The following RAP1GAP variants were observed in gnomAD, a reference collection of about 807,000 sequenced individuals.
RAP1GAP encodes the protein rap1 GTPase-activating protein 1.
A neutral mutation model predicts 87.2 loss-of-function variants in RAP1GAP; 35 were observed. That is an observed-to-expected ratio of 0.40 (90% CI 0.31 to 0.53). The LOEUF (loss-of-function observed/expected upper bound fraction) is 0.53, where lower values mean the gene tolerates loss of function less well. Among genes scored for constraint, RAP1GAP ranks in the 20% least tolerant of loss-of-function variants. RAP1GAP has a pLI of 0.48. For missense variants in RAP1GAP, 734 were observed against 898.9 expected (o/e 0.82, Z 2.35); for synonymous variants, 375 against 363.9 (o/e 1.03, Z -0.35).
intron 1 of RAP1GAP, among the ~76,000 whole-genome samples, chr1:21,650,976 C>T (rs1015230748): frequency 6.6e-6 from 1 of 152,218 alleles, no homozygotes; most frequent in African/African-American, 2.4e-5. Flanking sequence ...TCCCATGGGT[C>T]CCTATGACCA....
chr1:21,634,179 T>C lies in RAP1GAP; in HGVS notation c.-112-7782A>G, dbSNP rs1396157699. Among the ~76,000 whole-genome samples the C allele has an allele frequency of 5.9e-5, 9 of 151,822 alleles. No homozygotes were observed. The highest frequency in any genetic ancestry group is 1.0e-4 in the Non-Finnish European group (7 of 67,926). ...CAGGGAAGGTGGCCGGGGCAGCCAG[T>C]TGAGCAGGTTTCCAAAGCTAGGTCT... On this transcript the variant is annotated intron_variant, in intron 2 of 24. Coordinates refer to ENST00000374765, the MANE Select transcript of RAP1GAP (RefSeq NM_002885.4). This position sits in a 1 kb window ranked among gnomAD's most constrained non-coding sequence, Gnocchi z 4.1.
chr1:21,597,732 C>T lies in RAP1GAP; in HGVS notation c.1984-4G>A, dbSNP rs747199459. ...GGGGGTGGCCCGGCTAACAGCCCTG[C>T]AGACAGACAGTGGTGGTGAGGCAGG... is the stretch of plus-strand genomic sequence containing the variant. On this transcript the variant is annotated splice_region_variant and splice_polypyrimidine_tract_variant and intron_variant, in intron 23 of 24. Coordinates refer to ENST00000374765, the MANE Select transcript of RAP1GAP (RefSeq NM_002885.4). The T allele has an allele frequency of 2.5e-6, 4 of 1,613,458 alleles. No homozygotes were observed. The highest frequency in any genetic ancestry group is 3.4e-6 in the Non-Finnish European group (4 of 1,179,676).
Position 21,603,770 on chromosome 1 carries a change from T to G in RAP1GAP, c.1429-857A>C. ...AACGTCCCCAATATGGCCTCCGTCC[T>G]GAGAGCGAGCAGAGAACAGCGCGTG... is the stretch of plus-strand genomic sequence containing the variant. On this transcript the variant is annotated intron_variant, in intron 18 of 24. Coordinates refer to ENST00000374765, the MANE Select transcript of RAP1GAP (RefSeq NM_002885.4). This position sits in a 1 kb window ranked among gnomAD's most constrained non-coding sequence, Gnocchi z 6.0. The G allele has an allele frequency of 6.6e-7, 1 of 1,524,144 alleles. No individual in the cohort carries two copies. Among genetic ancestry groups the G allele is most frequent in the Non-Finnish European group, 9.1e-7 (1 of 1,099,586 alleles). The allele number at this position is 1,524,144 out of a possible 1,614,324, so 94.4% of individuals were successfully genotyped here.
At chr1:21,597,574 A>G in intron 24 of RAP1GAP, 112 bp downstream of exon 24, 1 of 1,179,298 alleles carries the variant, frequency 8.5e-7, no homozygotes. Flanking sequence ...TCAAACCCAG[A>G]TACATAGCTC....
chr1:21,651,762 G>A (rs769106614), intron 1 of RAP1GAP: 456 of 1,428,886 alleles, frequency 3.2e-4, no homozygotes, highest in Non-Finnish European at 4.0e-4. Flanking sequence ...CCCGCCCCGC[G>A]CCGCGCCACG....
intron 22 of RAP1GAP, 79 bp from the exon 23 acceptor site, chr1:21,598,143 G>A (rs1297129839): frequency 4.2e-6 from 4 of 947,096 alleles, no homozygotes; most frequent in East Asian, 2.6e-5. Context: ...GTGGGCGGTC[G>A]GCACCAGTGC....
intron 1 of RAP1GAP, among the ~76,000 whole-genome samples, chr1:21,662,953 T>C (rs1367009441): frequency 6.6e-6 from 1 of 152,154 alleles, no homozygotes. Context: ...CTGCATCCAA[T>C]TGCTCAGGCC....
intron 1 of RAP1GAP, among the ~76,000 whole-genome samples, chr1:21,650,327 C>A (rs1010489322): frequency 1.3e-5 from 2 of 152,126 alleles, no homozygotes; most frequent in African/African-American, 4.8e-5. Flanking sequence ...AGCTTCCCCC[C>A]ACCCTCACCC....
At chr1:21,629,620 A>C (rs2093314945) in intron 2 of RAP1GAP, among the ~76,000 whole-genome samples, 1 of 152,202 alleles carries the variant, frequency 6.6e-6, no homozygotes, top group South Asian at 2.1e-4. Context: ...ATGGGGACAG[A>C]GAAGGAAACT....
In RAP1GAP at chr1:21,646,934, G is replaced by A. The variant is rs2096109468; in HGVS notation, c.-113+2827C>T. Among the ~76,000 whole-genome samples the A allele has an allele frequency of 2.6e-5, 4 of 152,106 alleles. No homozygotes were observed. The South Asian group carries it at 8.3e-4, about 32-fold the overall frequency. On this transcript the variant is annotated intron_variant, in intron 2 of 24. Coordinates refer to ENST00000374765, the MANE Select transcript of RAP1GAP (RefSeq NM_002885.4). ...GGGAACTCAGCCATGATCACATCTG[G>A]CCTCTACCAGGACTCACTGCTCCTT...
intron 2 of RAP1GAP, among the ~76,000 whole-genome samples, chr1:21,646,928 C>T (rs1234484001): frequency 6.6e-6 from 1 of 152,198 alleles, no homozygotes; most frequent in Non-Finnish European, 1.5e-5. Context: ...GCCATGATCA[C>T]ATCTGGCCTC....
intron 4 of RAP1GAP, 91 bp from the exon 5 acceptor site, chr1:21,619,163 G>T: frequency 7.2e-7 from 1 of 1,384,136 alleles, no homozygotes; most frequent in Non-Finnish European, 9.9e-7. Context: ...AAAGCCCTAG[G>T]AGGCGGCCCG....
intron 3 of RAP1GAP, among the ~76,000 whole-genome samples, chr1:21,621,282 T>C (rs1022459999): frequency 6.6e-6 from 1 of 152,122 alleles, no homozygotes; most frequent in Non-Finnish European, 1.5e-5. Flanking sequence ...GCCCCACTCA[T>C]GGCTACAAGC....
intron 1 of RAP1GAP, chr1:21,651,696 A>G: frequency 8.6e-7 from 1 of 1,160,034 alleles, no homozygotes; most frequent in African/African-American, 1.5e-5. Context: ...CCCAAACGCG[A>G]GCACACCCCG....
rs375414007 is a variant in RAP1GAP at position 21,616,812 on chromosome 1, G to A, written c.291+494C>T. Among the ~76,000 whole-genome samples the A allele has an allele frequency of 6.6e-5, 10 of 152,338 alleles. 1 individual carries two copies. Among genetic ancestry groups the A allele is most frequent in the African/African-American group, 2.2e-4 (9 of 41,570 alleles). On this transcript the variant is annotated intron_variant, in intron 7 of 24. Transcript: ENST00000374765. Reference sequence around the variant, plus strand: ...TTGGCTGCTGTATACCTGGTGCCTAGAACAGGGCCAGGCACACAGCTAGTG... The same window carrying A: ...TTGGCTGCTGTATACCTGGTGCCTAAAACAGGGCCAGGCACACAGCTAGTG...
intron 2 of RAP1GAP, among the ~76,000 whole-genome samples, chr1:21,644,348 G>A (rs1213501785): frequency 1.3e-5 from 2 of 152,102 alleles, no homozygotes; most frequent in South Asian, 2.1e-4. Flanking sequence ...GCCATACAGC[G>A]CAGGGTGACA....
chr1:21,635,280 G>A (rs2094502018), intron 2 of RAP1GAP, among the ~76,000 whole-genome samples: 1 of 152,094 alleles, frequency 6.6e-6, no homozygotes, highest in Non-Finnish European at 1.5e-5. Context: ...TGACCTCATT[G>A]TCCCTCCCCA....
At position 21,603,797 on chromosome 1, in the gene RAP1GAP, A is replaced by G. The variant is rs373845514; in HGVS notation, c.1429-884T>C. The G allele has an allele frequency of 6.3e-7, 1 of 1,578,404 alleles. No individual in the cohort carries two copies. ...AGAGCGAGCAGAGAACAGCGCGTGC[A>G]GGCAGCCTCCAGAGCCGGCGGCCCC... is the stretch of plus-strand genomic sequence containing the variant. On this transcript the variant is annotated intron_variant, in intron 18 of 24. Coordinates refer to ENST00000374765, the MANE Select transcript of RAP1GAP (RefSeq NM_002885.4). This position sits in a 1 kb window ranked among gnomAD's most constrained non-coding sequence, Gnocchi z 6.0.
chr1:21,654,435 A>G (rs2096778241), intron 1 of RAP1GAP, among the ~76,000 whole-genome samples: 1 of 152,252 alleles, frequency 6.6e-6, no homozygotes, highest in Admixed American at 6.5e-5. Flanking sequence ...TGATGAAAAT[A>G]ACCGTATCTA....
Sources: allele counts gnomAD v4.1 joint callset (sites outside exome capture counted in the v4.1 genomes callset), GRCh38; gene constraint gnomAD v4.1.1; non-coding constraint Gnocchi (gnomAD v3.1); transcripts MANE v1.5; gene names NCBI Gene and HGNC (gene_info 2026-07-23, HGNC 2026-07-21).